The following KCNT2 variants were observed in gnomAD, a reference collection of about 807,000 sequenced individuals.
KCNT2 encodes the protein potassium sodium-activated channel subfamily T member 2.
A neutral mutation model predicts 153.8 loss-of-function variants in KCNT2; 67 were observed. That is an observed-to-expected ratio of 0.44 (90% CI 0.36 to 0.53). The LOEUF (loss-of-function observed/expected upper bound fraction) is 0.53. Among genes scored for constraint, KCNT2 ranks in the 20% least tolerant of loss-of-function variants. The pLI is 0.00. For missense variants in KCNT2, 975 were observed against 1,354.8 expected, an observed-to-expected ratio of 0.72 and a Z score of 4.40; for synonymous variants, 500 against 458.8, an observed-to-expected ratio of 1.09 and a Z score of -1.15.
At chr1:196,539,862 T>C (rs1656106671) in intron 1 of KCNT2, among the ~76,000 whole-genome samples, 1 of 151,686 alleles carries the variant, frequency 6.6e-6, no homozygotes, top group Non-Finnish European at 1.5e-5. Context: ...TTATATCTAT[T>C]ATATCAAAAT....
chr1:196,286,156 A>G (rs559565124), intron 22 of KCNT2, among the ~76,000 whole-genome samples: 1 of 152,248 alleles, frequency 6.6e-6, no homozygotes, highest in African/African-American at 2.4e-5. Context: ...GAACAAAAAA[A>G]TAGGGAGGTA....
At chr1:196,274,744 T>C (rs1268062889) in intron 25 of KCNT2, among the ~76,000 whole-genome samples, 1 of 151,850 alleles carries the variant, frequency 6.6e-6, no homozygotes, top group African/African-American at 2.4e-5. Flanking sequence ...GCATACACTA[T>C]AAATTATGTT....
chr1:196,424,661 T>C (rs1558273590), intron 11 of KCNT2, among the ~76,000 whole-genome samples: 1 of 151,910 alleles, frequency 6.6e-6, no homozygotes. Context: ...ATCCTGCTAG[T>C]TTCTCGTGCT....
chr1:196,534,213 G>T (rs1655276492), intron 1 of KCNT2, among the ~76,000 whole-genome samples: 1 of 152,018 alleles, frequency 6.6e-6, no homozygotes, highest in South Asian at 2.1e-4. Flanking sequence ...TTTTAATGTT[G>T]AATGCATTTG....
chr1:196,320,642 T>G (rs1663204769), intron 19 of KCNT2, among the ~76,000 whole-genome samples: 1 of 151,418 alleles, frequency 6.6e-6, no homozygotes, highest in Non-Finnish European at 1.5e-5. Flanking sequence ...CTTATTTCTC[T>G]CCTGTTGGTC....
chr1:196,321,690 G>A (rs1445128682), intron 19 of KCNT2, among the ~76,000 whole-genome samples: 1 of 151,792 alleles, frequency 6.6e-6, no homozygotes, highest in East Asian at 1.9e-4. Context: ...ATATAATCCT[G>A]ATGAAGGATA....
intron 1 of KCNT2, among the ~76,000 whole-genome samples, chr1:196,603,449 A>G (rs1429564702): frequency 6.6e-6 from 1 of 152,178 alleles, no homozygotes; most frequent in African/African-American, 2.4e-5. Context: ...TTAATATGTC[A>G]ATACAAAACC....
intron 26 of KCNT2, among the ~76,000 whole-genome samples, chr1:196,248,781 C>T (rs1465996234): frequency 6.6e-6 from 1 of 152,240 alleles, no homozygotes; most frequent in East Asian, 1.9e-4. Context: ...GGAAGGAATA[C>T]TTCCAAAGTC....
intron 8 of KCNT2, among the ~76,000 whole-genome samples, chr1:196,442,184 T>G (rs1362837913): frequency 6.6e-6 from 1 of 151,834 alleles, no homozygotes; most frequent in African/African-American, 2.4e-5. Context: ...ATTTTCACGT[T>G]TTTAGAACAA....
At chr1:196,242,017 C>CTGTTT (rs1227402759) in intron 26 of KCNT2, among the ~76,000 whole-genome samples, 1 of 152,002 alleles carries the variant, frequency 6.6e-6, no homozygotes, top group East Asian at 1.9e-4. Context: ...GTGCAAAGTC[C>CTGTTT]TGTTTTGTTT....
intron 9 of KCNT2, among the ~76,000 whole-genome samples, chr1:196,428,878 C>T (rs1558279036): frequency 6.6e-6 from 1 of 152,112 alleles, no homozygotes; most frequent in Non-Finnish European, 1.5e-5. Context: ...CATGGGCAGC[C>T]AGGGCTTATT....
chr1:196,589,672 G>A (rs1253130343), intron 1 of KCNT2, among the ~76,000 whole-genome samples: 1 of 152,008 alleles, frequency 6.6e-6, no homozygotes, highest in Non-Finnish European at 1.5e-5. Flanking sequence ...CATTAACTCT[G>A]ATTATATGTG....
At chr1:196,560,790 T>C (rs765085126) in intron 1 of KCNT2, among the ~76,000 whole-genome samples, 1 of 152,104 alleles carries the variant, frequency 6.6e-6, no homozygotes, top group African/African-American at 2.4e-5. Context: ...TGCTGCCTTG[T>C]CCTCTTCCTT....
intron 1 of KCNT2, among the ~76,000 whole-genome samples, chr1:196,566,229 GA>G (rs916780510): frequency 4.0e-4 from 61 of 151,980 alleles, no homozygotes; most frequent in Non-Finnish European, 7.4e-4. Context: ...TTCAAACAAT[GA>G]AAAAATGACC....
At chr1:196,245,140 G>C (rs754239746) in intron 26 of KCNT2, among the ~76,000 whole-genome samples, 1 of 152,104 alleles carries the variant, frequency 6.6e-6, no homozygotes. Context: ...GCATTACAGG[G>C]CTTGGGGTGC....
intron 25 of KCNT2, among the ~76,000 whole-genome samples, chr1:196,269,883 T>C (rs981157849): frequency 2.6e-5 from 4 of 152,144 alleles, no homozygotes; most frequent in Admixed American, 6.6e-5. Flanking sequence ...TTTACAATCC[T>C]TTTGTAACGT....
chr1:196,409,779 C>T (rs1178226352), intron 12 of KCNT2, among the ~76,000 whole-genome samples: 2 of 151,712 alleles, frequency 1.3e-5, no homozygotes, highest in Non-Finnish European at 3.0e-5. Flanking sequence ...ACATCTCTTT[C>T]GCATGTTGAT....
At chr1:196,262,607 A>T (rs533616065) in intron 25 of KCNT2, among the ~76,000 whole-genome samples, 3 of 152,116 alleles carry the variant, frequency 2.0e-5, no homozygotes, top group Non-Finnish European at 4.4e-5. Flanking sequence ...AGTGACTCTG[A>T]GTTCACTGAA....
chr1:196,341,851 A>C (rs1254146798), intron 15 of KCNT2, among the ~76,000 whole-genome samples: 1 of 152,136 alleles, frequency 6.6e-6, no homozygotes, highest in Non-Finnish European at 1.5e-5. Flanking sequence ...AAGACTTTAA[A>C]AGTGGCTAAA....
Sources: allele counts gnomAD v4.1 joint callset (sites outside exome capture counted in the v4.1 genomes callset), GRCh38; gene constraint gnomAD v4.1.1; transcripts MANE v1.5; gene names NCBI Gene and HGNC (gene_info 2026-07-23, HGNC 2026-07-21).